SPOCK3: variants seen among roughly 807,000 people sequenced by gnomAD.
SPOCK3 encodes the protein testican-3.
SPOCK3 carries 30 observed loss-of-function variants against 56.6 expected under a neutral mutation model. The ratio of observed to expected loss-of-function variants is 0.53; its 90% CI spans 0.40 to 0.72. The LOEUF (loss-of-function observed/expected upper bound fraction) is 0.72, where lower values mean the gene tolerates loss of function less well. Ranked by LOEUF, SPOCK3 falls within the 30% of genes least tolerant of loss-of-function variation. The pLI is 0.00. For missense variants in SPOCK3, 527 were observed against 530.0 expected (o/e 0.99, Z 0.06); for synonymous variants, 196 against 183.3 (o/e 1.07, Z -0.56).
intron 6 of SPOCK3, among the ~76,000 whole-genome samples, chr4:166,854,019 A>C (rs1207383843): frequency 6.6e-6 from 1 of 152,188 alleles, no homozygotes; most frequent in African/African-American, 2.4e-5. Flanking sequence ...AGCAATATGA[A>C]ATTTCTGATA....
rs1053143484 is a variant in SPOCK3, at chr4:166,748,775, T to C, written c.931+5733A>G. Among the ~76,000 whole-genome samples the C allele has an allele frequency of 9.5e-5, 13 of 136,642 alleles. 2 individuals are homozygous for C. Among genetic ancestry groups the C allele is most frequent in the Non-Finnish European group, 1.7e-4 (11 of 64,472 alleles). 89.6% of individuals were successfully genotyped at this position (136,642 alleles called of 152,430 possible). A position where few individuals can be genotyped will look rare whatever the true frequency, so the allele number is the denominator to read the frequency against. Reference sequence around the variant, plus strand: ...TAACATCCAGAATCCACAAAGAACTTGAACAAATTTATAAGAAAAAAATCA... The same window carrying C: ...TAACATCCAGAATCCACAAAGAACTCGAACAAATTTATAAGAAAAAAATCA... On this transcript the variant is annotated intron_variant, in intron 8 of 10. Transcript: ENST00000357545.
At chr4:166,784,820 A>G (rs969795006) in intron 7 of SPOCK3, among the ~76,000 whole-genome samples, 1 of 152,120 alleles carries the variant, frequency 6.6e-6, no homozygotes, top group Admixed American at 6.6e-5. Flanking sequence ...GCTTGTAGGA[A>G]AGCAGATATA....
intron 2 of SPOCK3, among the ~76,000 whole-genome samples, chr4:167,208,028 AG>A (rs1474293600): frequency 6.6e-6 from 1 of 152,130 alleles, no homozygotes; most frequent in Non-Finnish European, 1.5e-5. Flanking sequence ...ACTCTTACTC[AG>A]GGCTCCATCT....
At position 166,741,920 on chromosome 4, in the gene SPOCK3, A is replaced by G. The variant is rs974200384; in HGVS notation, c.994+77T>C. ...TGCAGTCTATCTTTGTTGGATTAAT[A>G]TTGATTTTATGTTGCTGTTTCCCTG... On this transcript the variant is annotated intron_variant, in intron 9 of 10. Transcript: ENST00000357545. 8 of 1,036,756 alleles carry G rather than the reference A, an allele frequency of 7.7e-6. No individual in the cohort carries two copies. In the African/African-American group the frequency reaches 1.3e-4, roughly 17 times the overall value. The allele number at this position is 1,036,756 out of a possible 1,614,324, so 64.2% of individuals were successfully genotyped here. A position where few individuals can be genotyped will look rare whatever the true frequency, so the allele number is the denominator to read the frequency against.
chr4:167,201,173 C>A (rs1733481865), intron 2 of SPOCK3, among the ~76,000 whole-genome samples: 1 of 151,868 alleles, frequency 6.6e-6, no homozygotes, highest in African/African-American at 2.4e-5. Context: ...ACATGCATTC[C>A]TTTAAGAATT....
At chr4:167,054,283 T>C (rs569929631) in intron 3 of SPOCK3, among the ~76,000 whole-genome samples, 7 of 152,312 alleles carry the variant, frequency 4.6e-5, no homozygotes, top group African/African-American at 1.7e-4. Context: ...ACAAGGCAGA[T>C]TTAACACAGT....
chr4:167,025,754 A>G (rs957451428), intron 3 of SPOCK3, among the ~76,000 whole-genome samples: 12 of 152,120 alleles, frequency 7.9e-5, no homozygotes, highest in Admixed American at 5.9e-4. Context: ...TAAAAACACT[A>G]CGTAACATAA....
In SPOCK3 at chr4:167,063,634, T is replaced by A. The variant is rs150517833; in HGVS notation, c.190-1097A>T. 4.0e-3 allele frequency among the ~76,000 whole-genome samples: 613 copies of A among 151,990 alleles called. 2 individuals carry two copies. Among genetic ancestry groups the A allele is most frequent in the African/African-American group, 0.014 (581 of 41,522 alleles). ...TAGTGTAACCATCACCTGAATAGCG[T>A]ACATTGTTCCCATTAAGTAATTTCT... On this transcript the variant is annotated intron_variant, in intron 2 of 10. Transcript: ENST00000357545.
intron 2 of SPOCK3, among the ~76,000 whole-genome samples, chr4:167,098,456 C>G (rs560127236): frequency 2.6e-4 from 40 of 152,096 alleles, no homozygotes; most frequent in Admixed American, 7.2e-4. Context: ...TATAAACTAT[C>G]TATCTCTCCA....
At chr4:166,743,133 C>G (rs1383577100) in intron 8 of SPOCK3, among the ~76,000 whole-genome samples, 1 of 151,884 alleles carries the variant, frequency 6.6e-6, no homozygotes, top group Non-Finnish European at 1.5e-5. Flanking sequence ...TATATACAGT[C>G]TTATCTGAAA....
intron 2 of SPOCK3, among the ~76,000 whole-genome samples, chr4:167,120,592 GC>G (rs1455143036): frequency 7.2e-5 from 11 of 152,062 alleles, no homozygotes; most frequent in South Asian, 4.1e-4. Context: ...ATTTCTGTTA[GC>G]ATACATTGTC....
At chr4:166,933,688 A>C (rs1323013587) in intron 4 of SPOCK3, among the ~76,000 whole-genome samples, 1 of 152,206 alleles carries the variant, frequency 6.6e-6, no homozygotes, top group Non-Finnish European at 1.5e-5. Flanking sequence ...AGAGACTTAG[A>C]ACATAGAGAT....
intron 6 of SPOCK3, among the ~76,000 whole-genome samples, chr4:166,800,208 G>GAAAAAAAAAAAAAAAAAAAAAAAAAAA (rs1207796263): frequency 3.8e-4 from 43 of 113,016 alleles, no homozygotes; most frequent in East Asian, 1.5e-3. Flanking sequence ...AAAAAAAAAT[G>GAAAAAAAAAAAAAAAAAAAAAAAAAAA]AAAACATGGA....
rs185393064 is a variant in SPOCK3 at position 167,006,198 on chromosome 4, T to C, written c.236-5735A>G. ...AGATATCAGAAAATTATAGATCAAA[T>C]ACAATGTTTATCCTAGGATGTATAA... On this transcript the variant is annotated intron_variant, in intron 3 of 10. Coordinates refer to ENST00000357545, the MANE Select transcript of SPOCK3 (RefSeq NM_001040159.2). 1.3e-3 allele frequency among the ~76,000 whole-genome samples: 203 copies of C among 152,244 alleles called. 2 individuals are homozygous for C. Among genetic ancestry groups the C allele is most frequent in the South Asian group, 1.4e-3 (7 of 4,828 alleles).
chr4:167,234,109 G>A lies in SPOCK3; in HGVS notation c.65C>T (p.Ala22Val), dbSNP rs1450991040. The A allele has an allele frequency of 6.2e-7, 1 of 1,614,018 alleles. No individual in the cohort carries two copies. Among genetic ancestry groups the A allele is most frequent in the Non-Finnish European group, 8.5e-7 (1 of 1,180,008 alleles). ...CCCGGCTGCAGCCACCGCCGCGGCAGCTGCGAGAGACTGACTGCACCAAGC... is the reference window on the plus strand; with the variant it reads ...CCCGGCTGCAGCCACCGCCGCGGCAACTGCGAGAGACTGACTGCACCAAGC... ...AAAWCSQSLA[A>V]AAAVAAAGGR... The change falls in exon 2 of 11, where the codon GCT (alanine) becomes GTT (valine). Residue 22 changes from alanine to valine, a missense_variant. Coordinates refer to ENST00000357545, the MANE Select transcript of SPOCK3 (RefSeq NM_001040159.2).
At chr4:167,022,835 G>T (rs1053381328) in intron 3 of SPOCK3, among the ~76,000 whole-genome samples, 1 of 151,950 alleles carries the variant, frequency 6.6e-6, no homozygotes, top group African/African-American at 2.4e-5. Flanking sequence ...AAGACTAAAT[G>T]ATTGGGACAA....
chr4:167,113,403 T>C (rs1029781521), intron 2 of SPOCK3, among the ~76,000 whole-genome samples: 3 of 152,034 alleles, frequency 2.0e-5, no homozygotes, highest in Admixed American at 6.6e-5. Context: ...AACTATCTTT[T>C]AGGTTTTGCT....
intron 2 of SPOCK3, among the ~76,000 whole-genome samples, chr4:167,156,548 G>A (rs959787613): frequency 2.0e-5 from 3 of 151,908 alleles, no homozygotes; most frequent in Admixed American, 1.3e-4. Context: ...GCTACTCCAT[G>A]GACAAAAACT....
chr4:166,957,271 G>A (rs995740231), intron 4 of SPOCK3, among the ~76,000 whole-genome samples: 4 of 152,050 alleles, frequency 2.6e-5, no homozygotes, highest in African/African-American at 7.2e-5. Flanking sequence ...AATAATAAAT[G>A]CAAAAACAAA....
Sources: gnomAD v4.1 joint callset for allele counts (sites outside exome capture counted in the v4.1 genomes callset) on GRCh38, gnomAD v4.1.1 for gene constraint, MANE v1.5 for transcripts, NCBI Gene and HGNC (gene_info 2026-07-23, HGNC 2026-07-21) for gene names.